Variants in ADGRB3 observed in about 807,000 individuals in gnomAD.
ADGRB3 encodes the protein brain-specific angiogenesis inhibitor 3.
A neutral mutation model predicts 193.4 loss-of-function variants in ADGRB3; 37 were observed. That is an observed-to-expected ratio of 0.19 (90% CI 0.15 to 0.25). The LOEUF (loss-of-function observed/expected upper bound fraction) is 0.25, where lower values mean the gene tolerates loss of function less well. Ranked by LOEUF, ADGRB3 falls within the 10% of genes least tolerant of loss-of-function variation. ADGRB3 has a pLI of 1.00. For synonymous variants in ADGRB3, 690 were observed against 644.2 expected (o/e 1.07, Z -1.08); for missense variants, 1,637 against 1,852.9 (o/e 0.88, Z 2.14).
At chr6:69,219,312 T>C (rs974611609) in intron 17 of ADGRB3, among the ~76,000 whole-genome samples, 3 of 151,636 alleles carry the variant, frequency 2.0e-5, no homozygotes, top group Non-Finnish European at 4.4e-5. Context: ...ATTGTATTGA[T>C]GCCTGATTCT....
intron 14 of ADGRB3, 82 bp downstream of exon 14, chr6:69,048,416 A>G: frequency 8.2e-6 from 11 of 1,343,216 alleles, no homozygotes; most frequent in Non-Finnish European, 1.1e-5. Flanking sequence ...AAATCTTCAT[A>G]CATTAAACAG....
intron 3 of ADGRB3, among the ~76,000 whole-genome samples, chr6:68,793,064 G>A (rs974024120): frequency 1.3e-5 from 2 of 151,744 alleles, no homozygotes; most frequent in African/African-American, 4.8e-5. Context: ...TTTATGTCAG[G>A]GAATTAAAAT....
chr6:69,360,372 C>G (rs1026096991), intron 28 of ADGRB3, among the ~76,000 whole-genome samples: 1 of 151,882 alleles, frequency 6.6e-6, no homozygotes, highest in African/African-American at 2.4e-5. Context: ...GGAGGGATTT[C>G]TGATCCAGTA....
intron 3 of ADGRB3, among the ~76,000 whole-genome samples, chr6:68,660,353 G>C (rs7768160): frequency 0.17 from 25,611 of 146,942 alleles, 2,409 homozygotes; most frequent in South Asian, 0.3. Context: ...TTAGTATGTT[G>C]ATACTTTGGG....
rs190135201 is a variant in ADGRB3 at position 69,138,601 on chromosome 6, G to T, written c.2480+62563G>T. ...GAAAAGGAAATTGGCTCAATGTCAG[G>T]TTCTTTGGTGGTTAAAATGAATTAT... On this transcript the variant is annotated intron_variant, in intron 17 of 31. Coordinates refer to ENST00000370598, the MANE Select transcript of ADGRB3 (RefSeq NM_001704.3). 2.2e-3 allele frequency among the ~76,000 whole-genome samples: 333 copies of T among 152,202 alleles called. 1 individual carries two copies. Among genetic ancestry groups the T allele is most frequent in the Non-Finnish European group, 3.4e-3 (233 of 68,008 alleles).
At chr6:68,972,913 G>A (rs1768629309) in intron 8 of ADGRB3, among the ~76,000 whole-genome samples, 1 of 152,126 alleles carries the variant, frequency 6.6e-6, no homozygotes, top group Admixed American at 6.6e-5. Flanking sequence ...GTACAGACAA[G>A]GCCCAGACTG....
At chr6:68,732,342 T>A (rs2127333160) in intron 3 of ADGRB3, among the ~76,000 whole-genome samples, 1 of 151,902 alleles carries the variant, frequency 6.6e-6, no homozygotes, top group East Asian at 1.9e-4. Flanking sequence ...TACCACATGT[T>A]CTCACTTACC....
At chr6:69,146,318 A>G (rs1774492760) in intron 17 of ADGRB3, among the ~76,000 whole-genome samples, 1 of 152,216 alleles carries the variant, frequency 6.6e-6, no homozygotes, top group East Asian at 1.9e-4. Flanking sequence ...AACTTTGCTC[A>G]AAGATCAGAG....
intron 8 of ADGRB3, among the ~76,000 whole-genome samples, chr6:68,973,445 A>G (rs1411936879): frequency 1.3e-5 from 2 of 152,204 alleles, no homozygotes; most frequent in East Asian, 3.8e-4. Context: ...ACTGATAACT[A>G]TAAGGTAATT....
intron 3 of ADGRB3, among the ~76,000 whole-genome samples, chr6:68,848,078 C>G (rs1225250923): frequency 6.6e-6 from 1 of 151,246 alleles, no homozygotes. Flanking sequence ...GTTAATCAAG[C>G]ATAAAATTAA....
chr6:68,876,406 C>T (rs1378652246), intron 3 of ADGRB3, among the ~76,000 whole-genome samples: 1 of 152,080 alleles, frequency 6.6e-6, no homozygotes, highest in African/African-American at 2.4e-5. Context: ...GAAGTGAAAG[C>T]AGTATTTTGT....
intron 22 of ADGRB3, among the ~76,000 whole-genome samples, chr6:69,330,159 T>C (rs1395856056): frequency 2.0e-5 from 3 of 152,092 alleles, no homozygotes; most frequent in Non-Finnish European, 4.4e-5. Flanking sequence ...AAATCCATAA[T>C]GGATATAAAG....
chr6:69,018,828 G>A (rs1441974540), intron 13 of ADGRB3, among the ~76,000 whole-genome samples: 1 of 151,620 alleles, frequency 6.6e-6, no homozygotes, highest in Non-Finnish European at 1.5e-5. Context: ...AGTTATGAAT[G>A]TGTGTGTGTG....
chr6:69,065,946 GT>G (rs1422806189), intron 16 of ADGRB3, among the ~76,000 whole-genome samples: 1 of 151,778 alleles, frequency 6.6e-6, no homozygotes, highest in Non-Finnish European at 1.5e-5. Context: ...TATTTACATA[GT>G]ATTTACACTG....
chr6:68,884,078 T>G (rs1765826839), intron 3 of ADGRB3, among the ~76,000 whole-genome samples: 1 of 152,242 alleles, frequency 6.6e-6, no homozygotes, highest in Non-Finnish European at 1.5e-5. Context: ...ACACCTGAGC[T>G]CCTTCTCTCT....
intron 21 of ADGRB3, among the ~76,000 whole-genome samples, chr6:69,327,243 G>A (rs868686028): frequency 2.0e-5 from 3 of 152,122 alleles, no homozygotes; most frequent in South Asian, 2.1e-4. Context: ...TCCCATAAAC[G>A]TAAACTAAAA....
intron 3 of ADGRB3, among the ~76,000 whole-genome samples, chr6:68,894,050 C>T (rs968357682): frequency 6.6e-6 from 1 of 151,704 alleles, no homozygotes; most frequent in Non-Finnish European, 1.5e-5. Context: ...AAAAAGTAAT[C>T]CTGCTACAGT....
chr6:69,011,655 AAAAG>A (rs1769940741), intron 11 of ADGRB3, among the ~76,000 whole-genome samples: 1 of 152,240 alleles, frequency 6.6e-6, no homozygotes, highest in South Asian at 2.1e-4. Flanking sequence ...AAATAAAGAA[AAAAG>A]AAAGAGAAGC....
chr6:69,144,811 A>G (rs1369501284), intron 17 of ADGRB3, among the ~76,000 whole-genome samples: 1 of 152,086 alleles, frequency 6.6e-6, no homozygotes, highest in Non-Finnish European at 1.5e-5. Context: ...TCAATTTGCT[A>G]GTATTTTGTT....
Sources: gnomAD v4.1 joint callset for allele counts (sites outside exome capture counted in the v4.1 genomes callset) on GRCh38, gnomAD v4.1.1 for gene constraint, MANE v1.5 for transcripts, NCBI Gene and HGNC (gene_info 2026-07-23, HGNC 2026-07-21) for gene names.